Variants in LPP observed in about 807,000 individuals in gnomAD.
The protein encoded by LPP is LIM domain containing preferred translocation partner in lipoma, also known as lipoma-preferred partner.
Under a neutral mutation model 60.4 loss-of-function variants are expected in LPP, and 38 were observed. The ratio of observed to expected loss-of-function variants is 0.63; its 90% CI spans 0.49 to 0.83. The LOEUF (loss-of-function observed/expected upper bound fraction) is 0.83, where lower values mean the gene tolerates loss of function less well. LPP is among the 40% of genes least tolerant of loss of function. The pLI, the probability that LPP is intolerant of heterozygous loss-of-function variation, is 0.00. For missense variants in LPP, 902 were observed against 783.6 expected (o/e 1.15, Z -1.80); for synonymous variants, 328 against 290.8 (o/e 1.13, Z -1.30).
At chr3:188,684,881 A>G (rs965890905) in intron 7 of LPP, among the ~76,000 whole-genome samples, 38 of 152,236 alleles carry the variant, frequency 2.5e-4, no homozygotes, top group African/African-American at 9.2e-4. Context: ...TTAATGAAAC[A>G]AATATTTTAA....
intron 9 of LPP, among the ~76,000 whole-genome samples, chr3:188,789,532 C>G (rs1237087303): frequency 6.6e-6 from 1 of 152,202 alleles, no homozygotes; most frequent in Non-Finnish European, 1.5e-5. Context: ...TGATTCAAAA[C>G]ATTCACGTAA....
chr3:188,418,667 T>C (rs1163350275), intron 4 of LPP, among the ~76,000 whole-genome samples: 2 of 152,172 alleles, frequency 1.3e-5, no homozygotes, highest in Non-Finnish European at 2.9e-5. Flanking sequence ...ATCCAAATAA[T>C]GTGTGAAAAT....
At chr3:188,760,412 G>GTA in intron 9 of LPP, 130 bp downstream of exon 9, 1 of 638,070 alleles carries the variant, frequency 1.6e-6, no homozygotes, top group Non-Finnish European at 2.6e-6. Flanking sequence ...TGTGTGGGGT[G>GTA]TGTGTGTGTG....
rs995878738 is a variant in LPP, at chr3:188,829,198, CAGA to C, written c.1411-36995_1411-36993del. 2.1e-4 allele frequency among the ~76,000 whole-genome samples: 32 copies of C among 152,302 alleles called. No individual in the cohort carries two copies. In the East Asian group the frequency reaches 4.1e-3, roughly 19 times the overall value. Reference sequence around the variant, plus strand: ...AATTCCTGTCATTTTTGTATCACATCAGAAGAAGAGCTATATTCCCTCCACCGC... The same window carrying C: ...AATTCCTGTCATTTTTGTATCACATCAGAAGAGCTATATTCCCTCCACCGC... On this transcript the variant is annotated intron_variant, in intron 9 of 11. Transcript: ENST00000617246.
At chr3:188,626,355 G>A (rs1338233779) in intron 7 of LPP, among the ~76,000 whole-genome samples, 1 of 152,022 alleles carries the variant, frequency 6.6e-6, no homozygotes, top group East Asian at 1.9e-4. Context: ...CTATGTAAGA[G>A]GATATGTGTA....
chr3:188,863,913 G>A (rs1410114372), intron 9 of LPP, among the ~76,000 whole-genome samples: 1 of 146,800 alleles, frequency 6.8e-6, no homozygotes, highest in Admixed American at 6.9e-5. Context: ...ACATTTTCTG[G>A]CCAAACATTT....
chr3:188,425,775 C>A (rs1789141288), intron 4 of LPP, among the ~76,000 whole-genome samples: 1 of 152,124 alleles, frequency 6.6e-6, no homozygotes, highest in Non-Finnish European at 1.5e-5. Flanking sequence ...GTTTGTATTT[C>A]TGTGGGATCA....
At chr3:188,672,222 G>T (rs1253054039) in intron 7 of LPP, among the ~76,000 whole-genome samples, 1 of 152,050 alleles carries the variant, frequency 6.6e-6, no homozygotes, top group Non-Finnish European at 1.5e-5. Context: ...TGATACTAAG[G>T]CAGTTTGTTT....
intron 5 of LPP, among the ~76,000 whole-genome samples, chr3:188,512,946 T>G (rs1816248372): frequency 6.6e-6 from 1 of 152,172 alleles, no homozygotes; most frequent in Non-Finnish European, 1.5e-5. Context: ...ACCTGACAAG[T>G]TCTGTTTGAT....
chr3:188,322,171 A>T (rs1757140997), intron 2 of LPP, among the ~76,000 whole-genome samples: 1 of 152,168 alleles, frequency 6.6e-6, no homozygotes, highest in African/African-American at 2.4e-5. Flanking sequence ...CCAACATTTA[A>T]TCTATGGAGG....
At chr3:188,375,335 C>G (rs1341294062) in intron 3 of LPP, among the ~76,000 whole-genome samples, 1 of 152,164 alleles carries the variant, frequency 6.6e-6, no homozygotes, top group Non-Finnish European at 1.5e-5. Context: ...TCCATCTGGT[C>G]CTGAACTTTT....
intron 2 of LPP, among the ~76,000 whole-genome samples, chr3:188,246,685 A>G (rs147445086): frequency 1.3e-5 from 2 of 152,188 alleles, no homozygotes; most frequent in Admixed American, 6.5e-5. Flanking sequence ...ACATTTTCCT[A>G]CCATCTGACA....
rs561547570 is a variant in LPP, at chr3:188,634,464, G to A, written c.1113+24620G>A. The stretch of plus-strand genomic sequence containing the variant: ...CAGGGGTGCCCAACCCCCGGGCCAT[G>A]GACCTCTACCAGTCCGTGACCTGTT... On this transcript the variant is annotated intron_variant, in intron 7 of 11. Transcript: ENST00000617246. Among the ~76,000 whole-genome samples, 11 of 152,326 alleles carry A rather than the reference G, an allele frequency of 7.2e-5. No homozygotes were observed. In the South Asian group the frequency reaches 1.0e-3, roughly 14 times the overall value.
At chr3:188,457,884 G>A (rs1015157307) in intron 4 of LPP, among the ~76,000 whole-genome samples, 2 of 151,994 alleles carry the variant, frequency 1.3e-5, no homozygotes, top group Non-Finnish European at 2.9e-5. Context: ...ACTCCAGCCT[G>A]GGTGACAGAG....
intron 6 of LPP, among the ~76,000 whole-genome samples, chr3:188,586,277 T>C (rs1485515034): frequency 6.6e-6 from 1 of 152,180 alleles, no homozygotes; most frequent in East Asian, 1.9e-4. Flanking sequence ...AGTCTTTTTC[T>C]TAACTAAATG....
intron 5 of LPP, among the ~76,000 whole-genome samples, chr3:188,493,402 G>T (rs903185051): frequency 6.6e-6 from 1 of 152,084 alleles, no homozygotes; most frequent in Middle Eastern, 3.4e-3. Flanking sequence ...GACACAGCTC[G>T]CTTTTTACCT....
At chr3:188,405,862 T>G (rs952821198) in intron 3 of LPP, among the ~76,000 whole-genome samples, 5 of 128,874 alleles carry the variant, frequency 3.9e-5, no homozygotes, top group African/African-American at 1.4e-4. Flanking sequence ...AGTGTTCTCT[T>G]CCTGCTCCTC....
chr3:188,822,744 T>C (rs1204622503), intron 9 of LPP, among the ~76,000 whole-genome samples: 11 of 152,162 alleles, frequency 7.2e-5, no homozygotes, highest in Admixed American at 1.3e-4. Flanking sequence ...AGGTGTTTGT[T>C]GAATGGAAGA....
At chr3:188,362,511 A>C (rs1769767163) in intron 3 of LPP, among the ~76,000 whole-genome samples, 2 of 151,974 alleles carry the variant, frequency 1.3e-5, no homozygotes, top group African/African-American at 4.8e-5. Flanking sequence ...GTTTCCTGAT[A>C]CTTTTACATC....
Sources: gnomAD v4.1 joint callset for allele counts (sites outside exome capture counted in the v4.1 genomes callset) on GRCh38, gnomAD v4.1.1 for gene constraint, MANE v1.5 for transcripts, NCBI Gene and HGNC (gene_info 2026-07-23, HGNC 2026-07-21) for gene names.